Variants in TECRL observed in about 807,000 individuals in gnomAD.
TECRL encodes trans-2,3-enoyl-CoA reductase-like.
In TECRL, 63 loss-of-function variants were observed where a neutral mutation model predicts 52.8. That is an observed-to-expected ratio of 1.19 (90% CI 0.97 to 1.47). The LOEUF (loss-of-function observed/expected upper bound fraction) is 1.47, where lower values mean the gene tolerates loss of function less well. Among genes scored for constraint, TECRL ranks in the 40% most tolerant of loss-of-function variants. The pLI is 0.00. For synonymous variants in TECRL, 164 were observed against 141.9 expected (o/e 1.16, Z -1.10); for missense variants, 482 against 429.6 (o/e 1.12, Z -1.08).
At chr4:64,405,673 T>G (rs1179553466) in intron 1 of TECRL, among the ~76,000 whole-genome samples, 3 of 152,156 alleles carry the variant, frequency 2.0e-5, no homozygotes, top group Non-Finnish European at 4.4e-5. Context: ...CTAGGAAGTT[T>G]TTTTTAAATT....
chr4:64,375,531 C>G lies in TECRL; in HGVS notation c.235-308G>C, dbSNP rs1029083086. Among the ~76,000 whole-genome samples the G allele has an allele frequency of 3.3e-5, 5 of 151,916 alleles. No homozygotes were observed. In the East Asian group the frequency reaches 9.7e-4, roughly 29 times the overall value. ...AAATAGTCAATGTATTTTTCCACAT[C>G]TCATAAAACTATCAATTAAAAATAT... On this transcript the variant is annotated intron_variant, in intron 1 of 11. Transcript: ENST00000381210.
intron 8 of TECRL, among the ~76,000 whole-genome samples, chr4:64,299,432 A>G (rs1407201691): frequency 6.6e-6 from 1 of 151,196 alleles, no homozygotes; most frequent in Non-Finnish European, 1.5e-5. Flanking sequence ...AAATGAAATA[A>G]TTAATGCATT....
rs866140730 is a variant in TECRL at position 64,305,172 on chromosome 4, G to A, written c.724C>T (p.Pro242Ser). Residue 242 changes from proline to serine, a missense_variant, in exon 7 of 12, where the codon CCA (proline) becomes TCA (serine). Coordinates refer to ENST00000381210, the MANE Select transcript of TECRL (RefSeq NM_001010874.5). ...AYYINHPLYT[P>S]PSFGNRQITV... ...AAGAAGAAACCCTACATACATGGTG[G>A]TGTATATAGTGGATGATTAATGTAG... 6.2e-7 allele frequency: 1 copy of A among 1,609,920 alleles called. No homozygotes were observed. The highest frequency in any genetic ancestry group is 2.2e-5 in the East Asian group (1 of 44,738).
intron 6 of TECRL, 86 bp from the exon 7 acceptor site, chr4:64,305,324 G>T: frequency 2.5e-6 from 3 of 1,184,110 alleles, no homozygotes; most frequent in Non-Finnish European, 3.7e-6. Flanking sequence ...TTACATGCAT[G>T]TCACAATTTG....
At chr4:64,299,838 C>T (rs1723905101) in intron 8 of TECRL, 136 bp downstream of exon 8, 1 of 330,158 alleles carries the variant, frequency 3.0e-6, no homozygotes, top group African/African-American at 2.2e-5. Context: ...ATATGATTTA[C>T]TTCATTTTAT....
At chr4:64,347,121 CT>C (rs1267963059) in intron 2 of TECRL, among the ~76,000 whole-genome samples, 13 of 152,162 alleles carry the variant, frequency 8.5e-5, no homozygotes, top group Non-Finnish European at 1.5e-4. Context: ...TTGTGACATT[CT>C]TACATAAATA....
At chr4:64,336,292 A>G (rs1719076502) in intron 2 of TECRL, among the ~76,000 whole-genome samples, 2 of 152,024 alleles carry the variant, frequency 1.3e-5, no homozygotes, top group South Asian at 4.2e-4. Context: ...TTTCTAGTTT[A>G]TTTGCGTAGA....
rs549476232 is a variant in TECRL, at chr4:64,311,122, G to A, written c.552-1191C>T. ...ATTGAGTTTATTTATACGTTTGGGAGTTGATTTTAGTGGAAATGATTTCTG... is the reference window on the plus strand; with the variant it reads ...ATTGAGTTTATTTATACGTTTGGGAATTGATTTTAGTGGAAATGATTTCTG... On this transcript the variant is annotated intron_variant, in intron 5 of 11. Coordinates refer to ENST00000381210, the MANE Select transcript of TECRL (RefSeq NM_001010874.5). Among the ~76,000 whole-genome samples, 3 of 152,300 alleles carry A rather than the reference G, an allele frequency of 2.0e-5. No homozygotes were observed. The East Asian group carries it at 5.8e-4, about 29-fold the overall frequency.
At chr4:64,355,782 G>C (rs1305118205) in intron 2 of TECRL, among the ~76,000 whole-genome samples, 2 of 108,678 alleles carry the variant, frequency 1.8e-5, no homozygotes, top group African/African-American at 6.5e-5. Flanking sequence ...GCAACAGAGT[G>C]AGACTCTGTC....
intron 2 of TECRL, among the ~76,000 whole-genome samples, chr4:64,346,891 C>T (rs1227927105): frequency 6.6e-6 from 1 of 152,180 alleles, no homozygotes; most frequent in Non-Finnish European, 1.5e-5. Flanking sequence ...AAACCCTGTC[C>T]TTACTTCTGA....
chr4:64,365,484 C>A (rs1302426103), intron 2 of TECRL, among the ~76,000 whole-genome samples: 1 of 152,004 alleles, frequency 6.6e-6, no homozygotes. Flanking sequence ...CGGAAAACTC[C>A]ATAGTCTGGG....
chr4:64,341,574 C>T (rs1246915121), intron 2 of TECRL, among the ~76,000 whole-genome samples: 1 of 152,050 alleles, frequency 6.6e-6, no homozygotes, highest in Admixed American at 6.5e-5. Flanking sequence ...CATTGCACTC[C>T]AGCCTGGGCG....
intron 4 of TECRL, among the ~76,000 whole-genome samples, chr4:64,322,453 TAAA>T (rs77102922): frequency 1.1e-4 from 13 of 114,626 alleles, no homozygotes; most frequent in Admixed American, 1.8e-4. Flanking sequence ...GGGTTGACTT[TAAA>T]AAAAAAAAAA....
intron 5 of TECRL, among the ~76,000 whole-genome samples, chr4:64,313,977 CAA>C (rs752037972): frequency 0.026 from 1,607 of 61,928 alleles, 32 homozygotes; most frequent in African/African-American, 0.072. Flanking sequence ...ACTAAAAATA[CAA>C]AAAAAAAAAA....
intron 8 of TECRL, among the ~76,000 whole-genome samples, chr4:64,294,384 C>T (rs1212753211): frequency 1.3e-5 from 2 of 152,138 alleles, no homozygotes; most frequent in Non-Finnish European, 2.9e-5. Flanking sequence ...ATGTTCCTAA[C>T]ACTAACGCTT....
chr4:64,395,686 G>A (rs1208984265), intron 1 of TECRL, among the ~76,000 whole-genome samples: 1 of 152,036 alleles, frequency 6.6e-6, no homozygotes, highest in East Asian at 1.9e-4. Flanking sequence ...TTTTATTGTA[G>A]GTTGAGAGGG....
chr4:64,277,406 T>G (rs1448533045), downstream of TECRL, among the ~76,000 whole-genome samples: 1 of 151,962 alleles, frequency 6.6e-6, no homozygotes, highest in Non-Finnish European at 1.5e-5. Context: ...CATTGACATT[T>G]CTTTTTAAGA....
chr4:64,409,345 T>C lies in TECRL; in HGVS notation c.7A>G (p.Lys3Glu). ...TCCGAAGCGAGGGACTTGTGCCTTT[T>C]GAACATTGTGTGAACTAAGAGGAGG... MF[K>E]RHKSLASERK... is the part of the protein sequence containing the mutation. The change falls in exon 1 of 12, where the codon AAA (lysine) becomes GAA (glutamate). Residue 3 changes from lysine (K) to glutamate (E), a missense_variant. Lys to Glu is a moderately conservative substitution (Grantham distance 56). Transcript: ENST00000381210. 1.9e-6 allele frequency: 3 copies of C among 1,612,722 alleles called. No homozygotes were observed. Among genetic ancestry groups the C allele is most frequent in the Non-Finnish European group, 2.5e-6 (3 of 1,179,040 alleles).
At chr4:64,348,413 G>A (rs1414977763) in intron 2 of TECRL, among the ~76,000 whole-genome samples, 1 of 152,156 alleles carries the variant, frequency 6.6e-6, no homozygotes, top group Non-Finnish European at 1.5e-5. Context: ...TACAATTCAA[G>A]GCAAGATTTG....
Sources: allele counts gnomAD v4.1 joint callset (sites outside exome capture counted in the v4.1 genomes callset), GRCh38; gene constraint gnomAD v4.1.1; transcripts MANE v1.5; gene names NCBI Gene and HGNC (gene_info 2026-07-23, HGNC 2026-07-21).